The following RSPH14 variants were observed in gnomAD, a reference collection of about 807,000 sequenced individuals.
RSPH14 encodes the protein rhabdoid tumor deletion region gene 1.
Under a neutral mutation model 26.7 loss-of-function variants are expected in RSPH14, and 20 were observed. The observed-to-expected ratio is 0.75, with a 90% CI of 0.53 to 1.09. The LOEUF is 1.09. Ranked by LOEUF, RSPH14 falls within the 50% of genes least tolerant of loss-of-function variation. The probability of loss-of-function intolerance (pLI) is 0.00; values close to 1 mark genes in which losing one functional copy is unlikely to be tolerated. For synonymous variants in RSPH14, 177 were observed against 189.3 expected (o/e 0.93, Z 0.53); for missense variants, 449 against 457.2 (o/e 0.98, Z 0.16).
At chr22:23,075,169 C>T (rs187462497) in intron 4 of RSPH14, among the ~76,000 whole-genome samples, 5 of 152,236 alleles carry the variant, frequency 3.3e-5, no homozygotes, top group East Asian at 1.9e-4. Flanking sequence ...AGGGTGGGCC[C>T]GCAACCTGCC....
intron 4 of RSPH14, among the ~76,000 whole-genome samples, chr22:23,068,510 T>C (rs758104239): frequency 2.0e-5 from 3 of 152,200 alleles, no homozygotes; most frequent in East Asian, 1.9e-4. Context: ...CAATATTGGT[T>C]TGATGCCAGG....
chr22:23,158,775 G>A, the RSPH14 span: 1 of 835,282 alleles, frequency 1.2e-6, no homozygotes, highest in East Asian at 2.6e-5. Context: ...TGTGGGCCAG[G>A]AAGCCCTCCT....
the RSPH14 span, among the ~76,000 whole-genome samples, chr22:23,150,907 C>G: frequency 2.1e-4 from 32 of 152,328 alleles, no homozygotes; most frequent in African/African-American, 7.7e-4. Context: ...GGCTGGATTC[C>G]TCACTAGACC....
At chr22:23,142,132 A>G (rs1309078461), upstream of RSPH14, 1 of 659,082 alleles carries the variant, frequency 1.5e-6, no homozygotes, top group African/African-American at 2.0e-5. Flanking sequence ...GGGAACAATC[A>G]TTTACAGGGT....
chr22:23,097,475 G>A (rs2069159605), intron 4 of RSPH14, among the ~76,000 whole-genome samples: 1 of 152,232 alleles, frequency 6.6e-6, no homozygotes, highest in Non-Finnish European at 1.5e-5. Flanking sequence ...TCAGGCAGCT[G>A]GGGAGGCGGG....
At chr22:23,180,588 C>CGGT in the RSPH14 span, 1 of 35,212 alleles carries the variant, frequency 2.8e-5, no homozygotes, top group Non-Finnish European at 3.8e-5. Flanking sequence ...GCGGCGGCGG[C>CGGT]GGCACGGCGG....
In RSPH14 at chr22:23,109,878, C is replaced by T. The variant is rs58106855; in HGVS notation, c.421+24148G>A. ...CAGTTGAGCAGGTACCAGCCCCCCACCTCTCAGTTCCTGAGGCTGGCCGTC... is the reference window on the plus strand; with the variant it reads ...CAGTTGAGCAGGTACCAGCCCCCCATCTCTCAGTTCCTGAGGCTGGCCGTC... On this transcript the variant is annotated intron_variant, in intron 4 of 6. Coordinates refer to ENST00000216036, the MANE Select transcript of RSPH14 (RefSeq NM_014433.3). Among the ~76,000 whole-genome samples, 737 of 152,334 alleles carry T rather than the reference C, an allele frequency of 4.8e-3. 10 individuals carry two copies. The highest frequency in any genetic ancestry group is 0.017 in the African/African-American group (699 of 41,582).
chr22:23,179,458 C>G, the RSPH14 span, among the ~76,000 whole-genome samples: 1 of 152,176 alleles, frequency 6.6e-6, no homozygotes, highest in Admixed American at 6.5e-5. Context: ...TTGTTTCACT[C>G]CCTGCTCTGG....
rs75538725 is a variant in RSPH14, at chr22:23,114,266, C to T, written c.421+19760G>A. Among the ~76,000 whole-genome samples, 897 of 152,326 alleles carry T rather than the reference C, an allele frequency of 5.9e-3. 12 individuals are homozygous for T. The highest frequency in any genetic ancestry group is 0.021 in the Middle Eastern group (6 of 292). On this transcript the variant is annotated intron_variant, in intron 4 of 6. Coordinates refer to ENST00000216036, the MANE Select transcript of RSPH14 (RefSeq NM_014433.3). The stretch of plus-strand genomic sequence containing the variant: ...TCTCGGCGTGAAAAAGCTGAATTCA[C>T]GGTTCGGATGAACACTCCCAGCTTT...
chr22:23,107,267 C>T (rs898271479), intron 4 of RSPH14, among the ~76,000 whole-genome samples: 2 of 152,190 alleles, frequency 1.3e-5, no homozygotes, highest in African/African-American at 4.8e-5. Flanking sequence ...GCCCTGGCCC[C>T]CATCCCAGAG....
At chr22:23,074,248 G>A (rs2068451830) in intron 4 of RSPH14, among the ~76,000 whole-genome samples, 1 of 152,198 alleles carries the variant, frequency 6.6e-6, no homozygotes, top group South Asian at 2.1e-4. Flanking sequence ...GCTAGGGTGG[G>A]GTAAGGCTGG....
chr22:23,135,133 T>C (rs1318588085), intron 3 of RSPH14, among the ~76,000 whole-genome samples: 1 of 151,968 alleles, frequency 6.6e-6, no homozygotes, highest in Non-Finnish European at 1.5e-5. Context: ...ATCATGCCAC[T>C]AAACTCCAGC....
At chr22:23,133,268 C>A (rs978733183) in intron 4 of RSPH14, among the ~76,000 whole-genome samples, 2 of 152,202 alleles carry the variant, frequency 1.3e-5, no homozygotes, top group African/African-American at 4.8e-5. Flanking sequence ...CATACTCCAG[C>A]ATAAACAAGC....
At chr22:23,155,659 G>A in the RSPH14 span, among the ~76,000 whole-genome samples, 13 of 152,346 alleles carry the variant, frequency 8.5e-5, no homozygotes, top group South Asian at 6.2e-4. Flanking sequence ...GTCTTGGGCC[G>A]TATGTTCCAT....
intron 6 of RSPH14, among the ~76,000 whole-genome samples, chr22:23,060,651 G>T (rs1017275054): frequency 6.6e-6 from 1 of 152,050 alleles, no homozygotes. Context: ...CCCTTTGCTG[G>T]TGGAACCTCT....
chr22:23,160,837 G>A, the RSPH14 span: 1 of 1,596,030 alleles, frequency 6.3e-7, no homozygotes, highest in Non-Finnish European at 8.6e-7. Context: ...AAGGGGCAAG[G>A]AGAAACACTG....
At chr22:23,163,033 T>A in the RSPH14 span, 1 of 288,042 alleles carries the variant, frequency 3.5e-6, no homozygotes, top group Non-Finnish European at 6.8e-6. Context: ...TGCCTCAGCC[T>A]CCCAAGTAGC....
intron 4 of RSPH14, among the ~76,000 whole-genome samples, chr22:23,086,989 G>A (rs1217272868): frequency 2.0e-5 from 3 of 152,258 alleles, no homozygotes; most frequent in Admixed American, 1.3e-4. Flanking sequence ...AGCACATGCG[G>A]CTCCGATAAG....
chr22:23,074,823 G>A lies in RSPH14; in HGVS notation c.422-10690C>T, dbSNP rs144905798. 3.1e-4 allele frequency among the ~76,000 whole-genome samples: 47 copies of A among 152,294 alleles called. No individual in the cohort carries two copies. The East Asian group carries it at 6.0e-3, about 19-fold the overall frequency. On this transcript the variant is annotated intron_variant, in intron 4 of 6. Transcript: ENST00000216036. ...GTCAAGCAGGCAGGGCATGCCCAGG[G>A]ACTGAGCAATGCAGGCACAGCTGGC...
Sources: allele counts gnomAD v4.1 joint callset (sites outside exome capture counted in the v4.1 genomes callset), GRCh38; gene constraint gnomAD v4.1.1; transcripts MANE v1.5; gene names NCBI Gene and HGNC (gene_info 2026-07-23, HGNC 2026-07-21).